Variants in FRMD4A observed in about 807,000 individuals in gnomAD.
The protein encoded by FRMD4A is FERM domain containing 4A, also known as FERM domain-containing protein 4A.
In FRMD4A, 29 loss-of-function variants were observed where a neutral mutation model predicts 129.1. The observed-to-expected ratio is 0.22, with a 90% CI of 0.17 to 0.31. The LOEUF (loss-of-function observed/expected upper bound fraction) is 0.31, where lower values mean the gene tolerates loss of function less well. Ranked by LOEUF, FRMD4A falls within the 10% of genes least tolerant of loss-of-function variation. FRMD4A has a pLI of 1.00. For synonymous variants in FRMD4A, 634 were observed against 571.6 expected (o/e 1.11, Z -1.56); for missense variants, 1,272 against 1,375.8 (o/e 0.92, Z 1.19).
intron 6 of FRMD4A, among the ~76,000 whole-genome samples, chr10:13,763,368 A>G (rs549785225): frequency 1.3e-5 from 2 of 152,360 alleles, no homozygotes; most frequent in East Asian, 3.9e-4. Flanking sequence ...GGAATGTTAC[A>G]GTGGGATTGT....
At chr10:13,751,324 C>G (rs151270799) in intron 8 of FRMD4A, among the ~76,000 whole-genome samples, 2 of 152,292 alleles carry the variant, frequency 1.3e-5, no homozygotes, top group African/African-American at 4.8e-5. Flanking sequence ...AAAAATCTAA[C>G]AAGAAATCAC....
At chr10:14,305,894 T>C (rs1196044816) in intron 2 of FRMD4A, among the ~76,000 whole-genome samples, 1 of 152,182 alleles carries the variant, frequency 6.6e-6, no homozygotes, top group East Asian at 1.9e-4. Context: ...ATACTGCATA[T>C]TCTCACTTAT....
At chr10:14,000,442 T>C (rs958316965) in intron 2 of FRMD4A, among the ~76,000 whole-genome samples, 1 of 151,010 alleles carries the variant, frequency 6.6e-6, no homozygotes, top group Non-Finnish European at 1.5e-5. Context: ...AGGTCAGGAG[T>C]TCAAGACCAG....
intron 2 of FRMD4A, among the ~76,000 whole-genome samples, chr10:13,974,589 C>T (rs889573181): frequency 1.3e-5 from 2 of 152,150 alleles, no homozygotes; most frequent in Non-Finnish European, 2.9e-5. Context: ...TGCAATGATG[C>T]AATCTCAGCT....
intron 2 of FRMD4A, among the ~76,000 whole-genome samples, chr10:14,253,763 T>C (rs191375193): frequency 6.6e-4 from 101 of 152,288 alleles, no homozygotes; most frequent in African/African-American, 2.3e-3. Flanking sequence ...CTCCCTCCTC[T>C]TATTGTTTTG....
intron 2 of FRMD4A, among the ~76,000 whole-genome samples, chr10:13,992,372 A>G (rs572747035): frequency 3.3e-5 from 5 of 152,284 alleles, no homozygotes; most frequent in African/African-American, 1.2e-4. Context: ...CGGATTCATG[A>G]GTCTTTAGCC....
At chr10:13,667,668 C>A (rs184832774) in intron 17 of FRMD4A, 1 of 152,196 alleles carries the variant, frequency 6.6e-6, no homozygotes, top group Non-Finnish European at 1.5e-5. Flanking sequence ...CCCCGCAAAG[C>A]GTCAGATTGT....
chr10:13,769,960 A>C (rs1005195195), intron 6 of FRMD4A, among the ~76,000 whole-genome samples: 1 of 152,092 alleles, frequency 6.6e-6, no homozygotes, highest in Non-Finnish European at 1.5e-5. Context: ...TGCAGACAGC[A>C]GACTGTGGGA....
chr10:14,186,155 A>G (rs12255918), intron 2 of FRMD4A, among the ~76,000 whole-genome samples: 1,544 of 152,238 alleles, frequency 0.01, 27 homozygotes, highest in African/African-American at 0.036. Flanking sequence ...AAAAGAAAAA[A>G]AAAAAAAGAC....
At chr10:13,736,030 G>A (rs1297024420) in intron 12 of FRMD4A, among the ~76,000 whole-genome samples, 1 of 152,124 alleles carries the variant, frequency 6.6e-6, no homozygotes, top group Non-Finnish European at 1.5e-5. Context: ...GCAGGCGCCT[G>A]TAATCCAGCT....
intron 16 of FRMD4A, 24 bp from the exon 17 acceptor site, chr10:13,670,552 G>C (rs374952989): frequency 6.4e-5 from 103 of 1,609,640 alleles, no homozygotes; most frequent in Middle Eastern, 1.7e-4. Flanking sequence ...ATGGCATTCG[G>C]AGTGAGCACA....
intron 3 of FRMD4A, among the ~76,000 whole-genome samples, chr10:13,857,027 A>G (rs558355160): frequency 6.6e-6 from 1 of 152,310 alleles, no homozygotes; most frequent in South Asian, 2.1e-4. Context: ...ATCTCACTCA[A>G]TTTGATGGTT....
At chr10:14,046,969 T>A (rs1834016245) in intron 2 of FRMD4A, among the ~76,000 whole-genome samples, 1 of 152,180 alleles carries the variant, frequency 6.6e-6, no homozygotes, top group Admixed American at 6.5e-5. Context: ...TTATCATGTG[T>A]GGAGTTACAT....
chr10:14,082,536 G>A (rs942361345), intron 2 of FRMD4A, among the ~76,000 whole-genome samples: 1 of 152,110 alleles, frequency 6.6e-6, no homozygotes, highest in African/African-American at 2.4e-5. Flanking sequence ...TAGGCTGGGT[G>A]GTATAACCAG....
In FRMD4A at chr10:13,790,478, C is replaced by T. The variant is rs773158186; in HGVS notation, c.299+6018G>A. Among the ~76,000 whole-genome samples, 7 of 152,258 alleles carry T rather than the reference C, an allele frequency of 4.6e-5. No individual in the cohort carries two copies. The East Asian group carries it at 5.8e-4, about 13-fold the overall frequency. On this transcript the variant is annotated intron_variant, in intron 5 of 24. Coordinates refer to ENST00000357447, the MANE Select transcript of FRMD4A (RefSeq NM_018027.5). ...AGAGAAGACAAGCAAGACACGACCTCGTGGACACCAGGGCTCAAGGGACAG... is the reference window on the plus strand; with the variant it reads ...AGAGAAGACAAGCAAGACACGACCTTGTGGACACCAGGGCTCAAGGGACAG...
At chr10:13,747,184 AAAG>A (rs1448618045) in intron 9 of FRMD4A, among the ~76,000 whole-genome samples, 2 of 151,622 alleles carry the variant, frequency 1.3e-5, no homozygotes, top group East Asian at 3.9e-4. Flanking sequence ...TTAAAAAAAA[AAAG>A]AAGAAGAAAC....
chr10:13,972,427 GT>G, intron 2 of FRMD4A: 1 of 455,162 alleles, frequency 2.2e-6, no homozygotes, highest in Non-Finnish European at 2.9e-6. Context: ...AGCGTCCCAA[GT>G]TTAGGTTGGG....
chr10:14,239,748 G>T (rs919259573), intron 2 of FRMD4A, among the ~76,000 whole-genome samples: 1 of 152,212 alleles, frequency 6.6e-6, no homozygotes, highest in African/African-American at 2.4e-5. Flanking sequence ...TGACTGTTGA[G>T]ATTGCACAGA....
chr10:14,199,939 CAT>C (rs1421933417), intron 2 of FRMD4A, among the ~76,000 whole-genome samples: 4 of 150,334 alleles, frequency 2.7e-5, no homozygotes, highest in African/African-American at 9.7e-5. Flanking sequence ...TTATGGGGCA[CAT>C]GTGATATTTT....
Sources: allele counts gnomAD v4.1 joint callset (sites outside exome capture counted in the v4.1 genomes callset), GRCh38; gene constraint gnomAD v4.1.1; transcripts MANE v1.5; gene names NCBI Gene and HGNC (gene_info 2026-07-23, HGNC 2026-07-21).